The following CROCC variants were observed in gnomAD, a reference collection of about 807,000 sequenced individuals.
The protein encoded by CROCC is rootletin.
CROCC carries 180 observed loss-of-function variants against 245.2 expected under a neutral mutation model. That is an observed-to-expected ratio of 0.73 (90% CI 0.65 to 0.83). The LOEUF is 0.83. Ranked by LOEUF, CROCC falls within the 40% of genes least tolerant of loss-of-function variation. The pLI is 0.00. For synonymous variants in CROCC, 1,205 were observed against 1,241.6 expected, an observed-to-expected ratio of 0.97 and a Z score of 0.62; for missense variants, 2,688 against 2,779.4, an observed-to-expected ratio of 0.97 and a Z score of 0.74.
At position 16,946,282 on chromosome 1, in the gene CROCC, C is replaced by A. The variant is rs146539995; in HGVS notation, c.2160C>A (p.Leu720=). 1.2e-6 allele frequency: 2 copies of A among 1,613,152 alleles called. No homozygotes were observed. The highest frequency in any genetic ancestry group is 1.1e-5 in the South Asian group (1 of 91,050). The change falls in exon 16 of 37, where the codon CTC becomes CTA. Residue 720 remains leucine, a synonymous_variant. Transcript: ENST00000375541. ...AGGCTGAGGCTGGCCGCGTGGAGCT[C>A]GAGCTCTCCATGACCAAGCTGAGGG... ...LTKAEAGRVE[L]ELSMTKLRAE...
intron 27 of CROCC, among the ~76,000 whole-genome samples, chr1:16,965,194 AGTT>A (rs1187607996): frequency 2.6e-5 from 4 of 152,224 alleles, no homozygotes; most frequent in Admixed American, 1.3e-4. Context: ...CCTGTCAGGA[AGTT>A]GTTGTGAAGA....
intron 26 of CROCC, among the ~76,000 whole-genome samples, chr1:16,960,272 C>T (rs1008994321): frequency 3.3e-5 from 5 of 152,000 alleles, no homozygotes; most frequent in Admixed American, 3.3e-4. Flanking sequence ...TCTCCAAAAA[C>T]AAACAAACAA....
intron 14 of CROCC, 26 bp downstream of exon 14, chr1:16,944,308 A>G (rs1240854445): frequency 8.6e-6 from 13 of 1,508,052 alleles, no homozygotes; most frequent in Non-Finnish European, 1.2e-5. Flanking sequence ...CCACCCTGCC[A>G]GGACCCTTCA....
chr1:16,915,575 C>T (rs1223473707), intron 1 of CROCC, among the ~76,000 whole-genome samples: 5 of 151,862 alleles, frequency 3.3e-5, no homozygotes, highest in East Asian at 1.9e-4. Context: ...AGGAGGTCAA[C>T]GCTGCAGTGA....
chr1:16,914,914 A>G (rs1413378292), intron 1 of CROCC, among the ~76,000 whole-genome samples: 3 of 152,396 alleles, frequency 2.0e-5, no homozygotes, highest in African/African-American at 4.8e-5. Flanking sequence ...TTTACGCCAG[A>G]AAACAGAGAT....
chr1:16,927,529 A>G (rs1410382168), intron 3 of CROCC, among the ~76,000 whole-genome samples: 1 of 152,266 alleles, frequency 6.6e-6, no homozygotes, highest in East Asian at 1.9e-4. Flanking sequence ...CACCCGCGCC[A>G]CAACATAGAC....
At chr1:16,950,201 C>A (rs2076135799) in intron 19 of CROCC, among the ~76,000 whole-genome samples, 1 of 148,958 alleles carries the variant, frequency 6.7e-6, no homozygotes, top group Non-Finnish European at 1.5e-5. Flanking sequence ...GTAGCTGGGA[C>A]TACATATGCC....
At position 16,922,115 on chromosome 1, in the gene CROCC, G is replaced by A. The variant is rs375594926; in HGVS notation, c.60+37G>A. 3.9e-4 allele frequency: 586 copies of A among 1,503,554 alleles called. 3 individuals are homozygous for A. Among genetic ancestry groups the A allele is most frequent in the Middle Eastern group, 1.7e-4 (1 of 5,826 alleles). 93.1% of individuals were successfully genotyped at this position (1,503,554 alleles called of 1,614,324 possible). ...GGGCTGTGCCCACCCTGTCTGGGGC[G>A]GGGCAGCGTGGACTTAACAGGAGTG... On this transcript the variant is annotated intron_variant, in intron 1 of 36. Transcript: ENST00000375541.
chr1:16,972,520 C>CCCG lies in CROCC; in HGVS notation c.*76_*77insGCC, dbSNP rs1553162336. 13 of 951,176 alleles carry CCCG rather than the reference C, an allele frequency of 1.4e-5. No individual in the cohort carries two copies. In the African/African-American group the frequency reaches 2.4e-4, roughly 17 times the overall value. 58.9% of individuals were successfully genotyped at this position (951,176 alleles called of 1,614,324 possible). The stretch of plus-strand genomic sequence containing the variant: ...ACCCTTCTTTTGGACAGCCCCCCCA[C>CCCG]CCAGAGCCCGGTCCCTTGGGGGCCT... On this transcript the variant is annotated 3_prime_UTR_variant, in exon 37 of 37. Coordinates refer to ENST00000375541, the MANE Select transcript of CROCC (RefSeq NM_014675.5).
chr1:16,971,456 T>G lies in CROCC; in HGVS notation c.5785-9T>G, dbSNP rs1368319565. 3.9e-6 allele frequency: 6 copies of G among 1,531,166 alleles called. No homozygotes were observed. The East Asian group carries it at 1.2e-4, about 31-fold the overall frequency. 94.8% of individuals were successfully genotyped at this position (1,531,166 alleles called of 1,614,324 possible). A position where few individuals can be genotyped will look rare whatever the true frequency, so the allele number is the denominator to read the frequency against. ...GGGCCAGAACGCGGACCACAGCCCC[T>G]CCCTGCAGGCGCAGGTGGTGGTGCT... On this transcript the variant is annotated splice_polypyrimidine_tract_variant and intron_variant, in intron 35 of 36. Coordinates refer to ENST00000375541, the MANE Select transcript of CROCC (RefSeq NM_014675.5).
At chr1:16,958,149 A>G (rs1486098613) in intron 25 of CROCC, among the ~76,000 whole-genome samples, 1 of 152,212 alleles carries the variant, frequency 6.6e-6, no homozygotes, top group African/African-American at 2.4e-5. Flanking sequence ...GGATAATGTT[A>G]CTACCTACCT....
At chr1:16,939,238 C>G (rs2100419235) in intron 12 of CROCC, 96 bp downstream of exon 12, 346 of 1,108,122 alleles carry the variant, frequency 3.1e-4, no homozygotes, top group Non-Finnish European at 3.7e-4. Context: ...AGGTCCGGGG[C>G]CAGGGTCCGA....
chr1:16,929,775 C>T (rs571837710), intron 3 of CROCC, 71 bp from the exon 4 acceptor site: 1 of 1,452,096 alleles, frequency 6.9e-7, no homozygotes, highest in Non-Finnish European at 9.0e-7. Context: ...CCCAGCCTGC[C>T]ACGCCCTACA....
rs755275266 is a variant in CROCC at position 16,948,429 on chromosome 1, G to A, written c.2613G>A (p.Lys871=). 3.2e-6 allele frequency: 5 copies of A among 1,569,816 alleles called. 1 individual carries two copies. In the South Asian group the frequency reaches 3.5e-5, roughly 11 times the overall value. The change falls in exon 18 of 37, where the codon AAG becomes AAA. Residue 871 remains lysine, a synonymous_variant. Coordinates refer to ENST00000375541, the MANE Select transcript of CROCC (RefSeq NM_014675.5). ...VEALERAARE[K]EALAKEHAGL... Reference sequence around the variant, plus strand: ...CGCTGGAGCGAGCGGCCCGTGAGAAGGAGGCGCTAGCCAAGGAGCACGCTG... The same window carrying A: ...CGCTGGAGCGAGCGGCCCGTGAGAAAGAGGCGCTAGCCAAGGAGCACGCTG...
rs371372931 is a variant in CROCC, at chr1:16,936,666, C to T, written c.986C>T (p.Ala329Val). The T allele has an allele frequency of 1.1e-3, 1,790 of 1,596,154 alleles. No individual in the cohort carries two copies. The South Asian group carries it at 0.019, about 17-fold the overall frequency. The change falls in exon 9 of 37, where the codon GCC (alanine) becomes GTC (valine). Residue 329 changes from alanine (A) to valine (V), a missense_variant. Ala to Val is a moderately conservative substitution (Grantham distance 64). Coordinates refer to ENST00000375541, the MANE Select transcript of CROCC (RefSeq NM_014675.5). ...RDLLQLGGEL[A>V]RTSRAVQEAG... ...CTGCTGCAGCTGGGAGGGGAGCTGG[C>T]CCGGACATCACGAGCTGTCCAGGAG... is the stretch of plus-strand genomic sequence containing the variant.
chr1:16,941,794 AT>A (rs2075940042), intron 13 of CROCC, among the ~76,000 whole-genome samples: 1 of 152,094 alleles, frequency 6.6e-6, no homozygotes, highest in African/African-American at 2.4e-5. Flanking sequence ...TCAAGCACTC[AT>A]CAACCATACA....
intron 3 of CROCC, among the ~76,000 whole-genome samples, chr1:16,925,976 A>G (rs1177793091): frequency 6.6e-6 from 1 of 152,234 alleles, no homozygotes; most frequent in African/African-American, 2.4e-5. Context: ...CCGCCTCTTA[A>G]ATGCCACCTT....
chr1:16,968,856 C>G (rs1324425017), intron 31 of CROCC, among the ~76,000 whole-genome samples: 1 of 152,156 alleles, frequency 6.6e-6, no homozygotes, highest in Non-Finnish European at 1.5e-5. Context: ...GGAGTGAGGA[C>G]AGGGAGGAGA....
At position 16,952,863 on chromosome 1, in the gene CROCC, G is replaced by A. The variant is rs867979861; in HGVS notation, c.3007-439G>A. Among the ~76,000 whole-genome samples, 13 of 152,208 alleles carry A rather than the reference G, an allele frequency of 8.5e-5. 1 individual carries two copies. In the Middle Eastern group the frequency reaches 0.02, roughly 239 times the overall value. On this transcript the variant is annotated intron_variant, in intron 20 of 36. Coordinates refer to ENST00000375541, the MANE Select transcript of CROCC (RefSeq NM_014675.5). ...AGATTGCTCCTTGTCACCTTGGCTC[G>A]AGTCCTCTCTCCCACTCCCCTCACT...
Sources: allele counts gnomAD v4.1 joint callset (sites outside exome capture counted in the v4.1 genomes callset), GRCh38; gene constraint gnomAD v4.1.1; transcripts MANE v1.5; gene names NCBI Gene and HGNC (gene_info 2026-07-23, HGNC 2026-07-21).